ZBTB20: variants seen among roughly 807,000 people sequenced by gnomAD.
ZBTB20 encodes the protein zinc finger and BTB domain containing 20.
ZBTB20 carries 9 observed loss-of-function variants against 56.9 expected under a neutral mutation model. That is an observed-to-expected ratio of 0.16 (90% CI 0.10 to 0.28). The LOEUF is 0.28. Ranked by LOEUF, ZBTB20 falls within the 10% of genes least tolerant of loss-of-function variation. The probability of loss-of-function intolerance (pLI) is 1.00; values close to 1 mark genes in which losing one functional copy is unlikely to be tolerated. For missense variants in ZBTB20, 655 were observed against 1,003.0 expected, an observed-to-expected ratio of 0.65 and a Z score of 4.69; for synonymous variants, 417 against 420.7, an observed-to-expected ratio of 0.99 and a Z score of 0.11.
intron 2 of ZBTB20, among the ~76,000 whole-genome samples, chr3:115,043,513 G>A (rs557921994): frequency 2.0e-5 from 3 of 151,482 alleles, no homozygotes; most frequent in South Asian, 4.2e-4. Flanking sequence ...AGGTTGCACT[G>A]AGCCGAGATT....
Position 114,797,232 on chromosome 3 carries a change from T to C in ZBTB20, c.-343+3869A>G, listed in dbSNP as rs1049802921. Reference sequence around the variant, plus strand: ...TGTGATGTGCTTTAAAAAATATTTATTTTCCTGTGATTCTAGTATATGTGA... The same window carrying C: ...TGTGATGTGCTTTAAAAAATATTTACTTTCCTGTGATTCTAGTATATGTGA... On this transcript the variant is annotated intron_variant, in intron 5 of 11. Coordinates refer to ENST00000675478, the MANE Select transcript of ZBTB20 (RefSeq NM_001348800.3). Among the ~76,000 whole-genome samples, 3 of 151,680 alleles carry C rather than the reference T, an allele frequency of 2.0e-5. No individual in the cohort carries two copies. The Admixed American group carries it at 2.0e-4, about 10-fold the overall frequency.
At chr3:114,901,847 A>C (rs1053014633) in intron 3 of ZBTB20, among the ~76,000 whole-genome samples, 1 of 152,110 alleles carries the variant, frequency 6.6e-6, no homozygotes, top group Non-Finnish European at 1.5e-5. Flanking sequence ...CAAAACAAAG[A>C]ATTAAGAGTG....
chr3:114,743,403 T>C (rs2066772233), intron 5 of ZBTB20: 2 of 152,460 alleles, frequency 1.3e-5, no homozygotes, highest in South Asian at 4.1e-4. Context: ...AAAATATCTC[T>C]AGTAGAAGTG....
At chr3:114,671,564 G>A (rs1389517359) in intron 6 of ZBTB20, among the ~76,000 whole-genome samples, 7 of 150,574 alleles carry the variant, frequency 4.6e-5, no homozygotes, top group African/African-American at 9.8e-5. Flanking sequence ...TATTGTTGTC[G>A]CTCCCCCTTC....
intron 1 of ZBTB20, among the ~76,000 whole-genome samples, chr3:115,145,415 T>C (rs2084934142): frequency 6.6e-6 from 1 of 152,216 alleles, no homozygotes; most frequent in Non-Finnish European, 1.5e-5. Context: ...CTCAAGTCCC[T>C]TACATAAAAT....
intron 4 of ZBTB20, among the ~76,000 whole-genome samples, chr3:114,891,238 A>C (rs1358871562): frequency 6.6e-6 from 1 of 152,206 alleles, no homozygotes; most frequent in African/African-American, 2.4e-5. Flanking sequence ...AAGGGGAGAC[A>C]GGGGATGCTG....
At chr3:114,887,552 GT>G (rs2076646351) in intron 4 of ZBTB20, among the ~76,000 whole-genome samples, 1 of 152,148 alleles carries the variant, frequency 6.6e-6, no homozygotes, top group Admixed American at 6.5e-5. Context: ...GGAAGGTGCT[GT>G]AAAGATGAAG....
intron 6 of ZBTB20, among the ~76,000 whole-genome samples, chr3:114,609,354 C>T (rs919649622): frequency 3.9e-5 from 6 of 152,152 alleles, no homozygotes; most frequent in African/African-American, 1.2e-4. Flanking sequence ...AAAGAATATT[C>T]GTTAATTTTG....
rs536048509 is a variant in ZBTB20 at position 114,467,350 on chromosome 3, A to G, written c.-255+33002T>C. Among the ~76,000 whole-genome samples the G allele has an allele frequency of 2.0e-5, 3 of 152,316 alleles. No individual in the cohort carries two copies. In the South Asian group the frequency reaches 6.2e-4, roughly 32 times the overall value. On this transcript the variant is annotated intron_variant, in intron 7 of 11. Coordinates refer to ENST00000675478, the MANE Select transcript of ZBTB20 (RefSeq NM_001348800.3). ...ATGCAGTGAGGAGAGAAAGACAGAC[A>G]AACTTACATTTTGTGGGCAGATAAA...
rs2078933458 is a variant in ZBTB20, at chr3:114,322,607, C to T, written c.*16398G>A. On this transcript the variant is annotated 3_prime_UTR_variant, in exon 12 of 12. Transcript: ENST00000675478. ...ATATATTTTAAAAAGTCAATCATTTCTTTCTATAGCTTTGGTTTGGTGCAG... is the reference window on the plus strand; with the variant it reads ...ATATATTTTAAAAAGTCAATCATTTTTTTCTATAGCTTTGGTTTGGTGCAG... 1 of 152,180 alleles carries T rather than the reference C, an allele frequency of 6.6e-6. No individual in the cohort carries two copies. Among genetic ancestry groups the T allele is most frequent in the Non-Finnish European group, 1.5e-5 (1 of 68,022 alleles). 9.4% of individuals were successfully genotyped at this position (152,180 alleles called of 1,614,324 possible).
chr3:115,048,217 T>A (rs2081409035), intron 2 of ZBTB20, among the ~76,000 whole-genome samples: 1 of 152,138 alleles, frequency 6.6e-6, no homozygotes, highest in South Asian at 2.1e-4. Flanking sequence ...AGAGCGAGAC[T>A]CTGTCTCAAA....
At chr3:114,510,075 T>G (rs1473953406) in intron 6 of ZBTB20, among the ~76,000 whole-genome samples, 1 of 152,152 alleles carries the variant, frequency 6.6e-6, no homozygotes, top group Admixed American at 6.6e-5. Context: ...ATATAAAGTA[T>G]TCACCCATAC....
chr3:114,950,496 G>A lies in ZBTB20; in HGVS notation c.-456+23870C>T, dbSNP rs148659491. ...GATATGAGATGATAAAATTTGGGCTGCAGCTGACTACGGATAACTGAAACT... is the reference window on the plus strand; with the variant it reads ...GATATGAGATGATAAAATTTGGGCTACAGCTGACTACGGATAACTGAAACT... On this transcript the variant is annotated intron_variant, in intron 3 of 11. Coordinates refer to ENST00000675478, the MANE Select transcript of ZBTB20 (RefSeq NM_001348800.3). Among the ~76,000 whole-genome samples the A allele has an allele frequency of 2.9e-3, 441 of 152,184 alleles. 2 individuals carry two copies. The highest frequency in any genetic ancestry group is 0.01 in the African/African-American group (423 of 41,524).
chr3:114,606,764 G>A (rs2057186102), intron 6 of ZBTB20, among the ~76,000 whole-genome samples: 1 of 152,020 alleles, frequency 6.6e-6, no homozygotes, highest in South Asian at 2.1e-4. Context: ...TAGCTTTATA[G>A]CAACTGCAAG....
chr3:115,121,127 G>T (rs1398450586), intron 1 of ZBTB20, among the ~76,000 whole-genome samples: 1 of 151,990 alleles, frequency 6.6e-6, no homozygotes, highest in African/African-American at 2.4e-5. Context: ...TTGAGCTACG[G>T]TCAGTTTTAT....
intron 7 of ZBTB20, among the ~76,000 whole-genome samples, chr3:114,496,473 T>G (rs2043290481): frequency 6.6e-6 from 1 of 152,168 alleles, no homozygotes; most frequent in Non-Finnish European, 1.5e-5. Flanking sequence ...GACCTGGGCT[T>G]TCAATAGGTC....
rs1056578348 is a variant in ZBTB20 at position 114,727,741 on chromosome 3, T to C, written c.-342-34166A>G. 4.6e-5 allele frequency among the ~76,000 whole-genome samples: 7 copies of C among 152,314 alleles called. No individual in the cohort carries two copies. In the South Asian group the frequency reaches 1.4e-3, roughly 32 times the overall value. ...AAAAAGGTCAAAATTGGATTTAAAA[T>C]GTTCAAAACTCCAAAAATCTCTAAA... On this transcript the variant is annotated intron_variant, in intron 5 of 11. Coordinates refer to ENST00000675478, the MANE Select transcript of ZBTB20 (RefSeq NM_001348800.3).
rs567435591 is a variant in ZBTB20 at position 114,408,767 on chromosome 3, AC to A, written c.-254-19663del. Among the ~76,000 whole-genome samples, 30 of 141,744 alleles carry A rather than the reference AC, an allele frequency of 2.1e-4. No homozygotes were observed. The East Asian group carries it at 5.1e-3, about 24-fold the overall frequency. The allele number at this position is 141,744 out of a possible 152,430, so 93.0% of individuals were successfully genotyped here. On this transcript the variant is annotated intron_variant, in intron 7 of 11. Coordinates refer to ENST00000675478, the MANE Select transcript of ZBTB20 (RefSeq NM_001348800.3). ...GTTTAAAAACAAAGCACATTTATATACTTTTTCTTTTAAAAATTACTTTCAT... is the reference window on the plus strand; with the variant it reads ...GTTTAAAAACAAAGCACATTTATATATTTTTCTTTTAAAAATTACTTTCAT...
In ZBTB20 at chr3:114,331,575, AAC is replaced by A. The variant is rs1356924978; in HGVS notation, c.*7428_*7429del. On this transcript the variant is annotated 3_prime_UTR_variant, in exon 12 of 12. Transcript: ENST00000675478. ...CCAGATGACAATAAGTATATACACA[AAC>A]ACACACATGTGCACACATGTCAATA... The A allele has an allele frequency of 6.6e-6, 1 of 152,154 alleles. No homozygotes were observed. The highest frequency in any genetic ancestry group is 1.5e-5 in the Non-Finnish European group (1 of 68,022). The allele number at this position is 152,154 out of a possible 1,614,324, so 9.4% of individuals were successfully genotyped here. A position where few individuals can be genotyped will look rare whatever the true frequency, so the allele number is the denominator to read the frequency against.
Sources: gnomAD v4.1 joint callset for allele counts (sites outside exome capture counted in the v4.1 genomes callset) on GRCh38, gnomAD v4.1.1 for gene constraint, MANE v1.5 for transcripts, NCBI Gene and HGNC (gene_info 2026-07-23, HGNC 2026-07-21) for gene names.